The following TENM3 variants were observed in gnomAD, a reference collection of about 807,000 sequenced individuals.
TENM3 encodes the protein teneurin-3.
In TENM3, 63 loss-of-function variants were observed where a neutral mutation model predicts 255.1. The observed-to-expected ratio is 0.25, with a 90% confidence interval of 0.20 to 0.30. The LOEUF is 0.30. TENM3 is among the 10% of genes least tolerant of loss of function. The pLI, the probability that TENM3 is intolerant of heterozygous loss-of-function variation, is 1.00. For missense variants in TENM3, 2,929 were observed against 3,461.1 expected (o/e 0.85, Z 3.86); for synonymous variants, 1,306 against 1,322.3 (o/e 0.99, Z 0.27).
chr4:181,831,984 G>A, the TENM3 span, among the ~76,000 whole-genome samples: 2 of 144,690 alleles, frequency 1.4e-5, no homozygotes, highest in South Asian at 4.3e-4. Flanking sequence ...GTGTGTGTGT[G>A]TGTGTGTGTG....
At chr4:182,211,330 T>G (rs1265207029) in intron 1 of TENM3, among the ~76,000 whole-genome samples, 2 of 152,216 alleles carry the variant, frequency 1.3e-5, no homozygotes, top group Non-Finnish European at 1.5e-5. Flanking sequence ...TGGTGTTTTT[T>G]GGGGAACACT....
intron 3 of TENM3, among the ~76,000 whole-genome samples, chr4:182,423,961 G>A (rs980255693): frequency 4.6e-5 from 7 of 151,992 alleles, no homozygotes; most frequent in African/African-American, 1.2e-4. Flanking sequence ...TTATCTTACC[G>A]TGTTCTGTAA....
chr4:181,553,320 G>GTATATATATATA, the TENM3 span, among the ~76,000 whole-genome samples: 1 of 115,700 alleles, frequency 8.6e-6, no homozygotes. Flanking sequence ...ATGTGTATGC[G>GTATATATATATA]TATATATATA....
the TENM3 span, among the ~76,000 whole-genome samples, chr4:181,597,710 C>G: frequency 6.6e-6 from 1 of 152,082 alleles, no homozygotes; most frequent in African/African-American, 2.4e-5. Context: ...TTGAAACACA[C>G]TGGGAAGAGC....
At chr4:181,602,916 A>C in the TENM3 span, among the ~76,000 whole-genome samples, 36 of 152,298 alleles carry the variant, frequency 2.4e-4, no homozygotes, top group Non-Finnish European at 3.5e-4. Flanking sequence ...TTTTTAAAAA[A>C]AGAAGAAGAA....
At chr4:181,607,000 C>T in the TENM3 span, among the ~76,000 whole-genome samples, 2 of 152,154 alleles carry the variant, frequency 1.3e-5, no homozygotes, top group African/African-American at 4.8e-5. Context: ...GCCAGCCAAA[C>T]ACAATGAATA....
the TENM3 span, among the ~76,000 whole-genome samples, chr4:181,642,120 C>G: frequency 6.6e-6 from 1 of 151,988 alleles, no homozygotes; most frequent in South Asian, 2.1e-4. Flanking sequence ...TCTCCACATC[C>G]TCTCCAGCAC....
chr4:182,621,676 AT>A (rs1750193887), intron 4 of TENM3, among the ~76,000 whole-genome samples: 4 of 64,972 alleles, frequency 6.2e-5, no homozygotes, highest in Admixed American at 3.0e-4. Flanking sequence ...TATTATATAT[AT>A]AAAATATATA....
At chr4:182,186,032 G>T (rs1282318029) in intron 1 of TENM3, among the ~76,000 whole-genome samples, 1 of 149,960 alleles carries the variant, frequency 6.7e-6, no homozygotes, top group African/African-American at 2.5e-5. Context: ...ACATAGTTAG[G>T]CTTCCTTTAT....
chr4:181,665,943 T>C, the TENM3 span, among the ~76,000 whole-genome samples: 1 of 152,132 alleles, frequency 6.6e-6, no homozygotes, highest in Non-Finnish European at 1.5e-5. Flanking sequence ...AAAAAAAACT[T>C]ACACCTATAT....
At chr4:181,767,019 G>A in the TENM3 span, among the ~76,000 whole-genome samples, 136,848 of 147,484 alleles carry the variant, frequency 0.93, 63,797 homozygotes, top group East Asian at 0.99. Flanking sequence ...TTGGGAGGCC[G>A]AGGCGGGCGG....
chr4:181,988,412 G>A, the TENM3 span, among the ~76,000 whole-genome samples: 1 of 151,966 alleles, frequency 6.6e-6, no homozygotes, highest in Non-Finnish European at 1.5e-5. Flanking sequence ...CTTTAATTCA[G>A]CAACAGCTCC....
At chr4:181,800,313 A>G in the TENM3 span, among the ~76,000 whole-genome samples, 17 of 152,150 alleles carry the variant, frequency 1.1e-4, no homozygotes, top group African/African-American at 4.1e-4. Context: ...ACCAGAGTAC[A>G]CACTGGACAT....
At chr4:181,544,474 T>C in the TENM3 span, among the ~76,000 whole-genome samples, 1 of 142,494 alleles carries the variant, frequency 7.0e-6, no homozygotes, top group Non-Finnish European at 1.5e-5. Context: ...ATTACCCACA[T>C]TTGAAAAACT....
chr4:181,890,703 T>C, the TENM3 span, among the ~76,000 whole-genome samples: 2 of 152,152 alleles, frequency 1.3e-5, no homozygotes, highest in Admixed American at 1.3e-4. Flanking sequence ...CAGAATATAG[T>C]CTTGTTCATT....
the TENM3 span, among the ~76,000 whole-genome samples, chr4:182,122,876 A>G: frequency 3.9e-5 from 6 of 152,122 alleles, no homozygotes; most frequent in Non-Finnish European, 8.8e-5. Flanking sequence ...CTACATTGAA[A>G]ATCTGTTTTT....
chr4:181,688,458 G>A, the TENM3 span, among the ~76,000 whole-genome samples: 3 of 151,978 alleles, frequency 2.0e-5, no homozygotes, highest in Non-Finnish European at 2.9e-5. Context: ...TTTTTCTCTT[G>A]ATAGAAGCCA....
the TENM3 span, among the ~76,000 whole-genome samples, chr4:182,087,977 C>T: frequency 2.4e-4 from 37 of 152,238 alleles, no homozygotes; most frequent in South Asian, 6.4e-3. Flanking sequence ...ACACAGTAGG[C>T]GCTACATAAA....
chr4:181,980,821 TG>T, the TENM3 span, among the ~76,000 whole-genome samples: 1,058 of 152,316 alleles, frequency 6.9e-3, 11 homozygotes, highest in African/African-American at 0.024. Context: ...TCTCATCTTT[TG>T]CAAAATTCTG....
Sources: allele counts gnomAD v4.1 joint callset (sites outside exome capture counted in the v4.1 genomes callset), GRCh38; gene constraint gnomAD v4.1.1; transcripts MANE v1.5; gene names NCBI Gene and HGNC (gene_info 2026-07-23, HGNC 2026-07-21).